PPP2R2B: variants seen among roughly 807,000 people sequenced by gnomAD.
PPP2R2B encodes serine/threonine-protein phosphatase 2A 55 kDa regulatory subunit B beta isoform.
Under a neutral mutation model 46.0 loss-of-function variants are expected in PPP2R2B, and 5 were observed. The ratio of observed to expected loss-of-function variants is 0.11; its 90% CI spans 0.06 to 0.23. PPP2R2B has a LOEUF of 0.23. Ranked by LOEUF, PPP2R2B falls within the 10% of genes least tolerant of loss-of-function variation. The pLI, the probability that PPP2R2B is intolerant of heterozygous loss-of-function variation, is 1.00. For synonymous variants in PPP2R2B, 215 were observed against 206.7 expected (o/e 1.04, Z -0.34); for missense variants, 367 against 575.0 (o/e 0.64, Z 3.70).
chr5:146,907,592 A>G (rs553106913), intron 1 of PPP2R2B, among the ~76,000 whole-genome samples: 2 of 152,380 alleles, frequency 1.3e-5, no homozygotes, highest in East Asian at 1.9e-4. Flanking sequence ...AGGCCAACCC[A>G]TCAGCTATAG....
At position 146,638,908 on chromosome 5, in the gene PPP2R2B, AAT is replaced by A. The variant is rs1775007602; in HGVS notation, c.626-495_626-494del. On this transcript the variant is annotated intron_variant, in intron 6 of 9. Transcript: ENST00000394411. ...ATGAAATCCCTAAGCCCTTCTTTAT[AAT>A]ATGTTGATGATAATAATAATAGCTG... 2.0e-5 allele frequency among the ~76,000 whole-genome samples: 3 copies of A among 152,214 alleles called. No individual in the cohort carries two copies. The South Asian group carries it at 6.2e-4, about 32-fold the overall frequency.
At chr5:146,845,181 A>G (rs903479299) in intron 2 of PPP2R2B, among the ~76,000 whole-genome samples, 4 of 151,770 alleles carry the variant, frequency 2.6e-5, no homozygotes, top group African/African-American at 7.3e-5. Flanking sequence ...GTCATTCTTT[A>G]TCTCCCAGCT....
chr5:146,788,157 T>C (rs1561907396), intron 2 of PPP2R2B, among the ~76,000 whole-genome samples: 1 of 152,118 alleles, frequency 6.6e-6, no homozygotes, highest in South Asian at 2.1e-4. Context: ...GTGGTTCGGA[T>C]ATATAGTGTC....
chr5:146,999,603 TC>T (rs1754073453), intron 1 of PPP2R2B, among the ~76,000 whole-genome samples: 1 of 152,202 alleles, frequency 6.6e-6, no homozygotes, highest in South Asian at 2.1e-4. Context: ...TTATGTGGCT[TC>T]TTCTCTATTT....
intron 1 of PPP2R2B, among the ~76,000 whole-genome samples, chr5:146,890,030 G>T (rs556033757): frequency 6.6e-6 from 1 of 152,292 alleles, no homozygotes; most frequent in South Asian, 2.1e-4. Context: ...GATCACATCC[G>T]CACACACACA....
rs74912536 is a variant in PPP2R2B at position 146,686,518 on chromosome 5, A to T, written c.447+4610T>A. 6.5e-3 allele frequency among the ~76,000 whole-genome samples: 996 copies of T among 152,298 alleles called. 24 individuals are homozygous for T. The highest frequency in any genetic ancestry group is 0.044 in the Admixed American group (668 of 15,286). ...GACTATGTGATATTAAGGATATAAA[A>T]TCTAGTACCTGGCACATAGTAAGCA... On this transcript the variant is annotated intron_variant, in intron 5 of 9. Coordinates refer to ENST00000394411, the MANE Select transcript of PPP2R2B (RefSeq NM_181675.4).
intron 1 of PPP2R2B, among the ~76,000 whole-genome samples, chr5:146,983,273 C>A (rs571207330): frequency 3.3e-4 from 49 of 150,710 alleles, no homozygotes; most frequent in Non-Finnish European, 6.5e-4. Context: ...CTCCACCTCC[C>A]GGGTTCACAC....
intron 2 of PPP2R2B, among the ~76,000 whole-genome samples, chr5:147,062,518 A>C (rs574169936): frequency 6.6e-6 from 1 of 152,272 alleles, no homozygotes; most frequent in African/African-American, 2.4e-5. Flanking sequence ...ATCTGTTTAT[A>C]GATGAGGAAG....
chr5:146,988,647 G>A, intron 1 of PPP2R2B, among the ~76,000 whole-genome samples: 1 of 151,790 alleles, frequency 6.6e-6, no homozygotes, highest in Middle Eastern at 3.2e-3. Context: ...TGTAATAAAT[G>A]CCTACATCAA....
chr5:146,805,580 A>G (rs1429375511), intron 2 of PPP2R2B, among the ~76,000 whole-genome samples: 2 of 152,192 alleles, frequency 1.3e-5, no homozygotes, highest in Non-Finnish European at 2.9e-5. Context: ...TCTTTATTCA[A>G]TGAGTCTGTG....
At chr5:146,944,217 CA>C (rs1415327704) in intron 1 of PPP2R2B, among the ~76,000 whole-genome samples, 1 of 152,130 alleles carries the variant, frequency 6.6e-6, no homozygotes, top group East Asian at 1.9e-4. Context: ...ATTGCCACTA[CA>C]TATATTCTTT....
intron 2 of PPP2R2B, among the ~76,000 whole-genome samples, chr5:146,727,511 G>A (rs561122679): frequency 1.3e-5 from 2 of 152,062 alleles, no homozygotes; most frequent in South Asian, 2.1e-4. Context: ...AAACATTGGA[G>A]ACTTCTAGAA....
At chr5:146,983,247 C>G (rs1753262620) in intron 1 of PPP2R2B, among the ~76,000 whole-genome samples, 1 of 128,380 alleles carries the variant, frequency 7.8e-6, no homozygotes, top group South Asian at 2.6e-4. Context: ...GTGGCACAAT[C>G]TCGGCTCACT....
chr5:146,767,933 G>C (rs976065276), intron 2 of PPP2R2B, among the ~76,000 whole-genome samples: 9 of 152,210 alleles, frequency 5.9e-5, no homozygotes, highest in African/African-American at 2.2e-4. Flanking sequence ...CTGATCTTTT[G>C]ACTGTCTCTA....
chr5:146,637,998 A>G (rs1299265475), intron 7 of PPP2R2B, among the ~76,000 whole-genome samples: 1 of 152,178 alleles, frequency 6.6e-6, no homozygotes, highest in Admixed American at 6.5e-5. Context: ...CATAATTTGG[A>G]TCACATCACA....
At chr5:147,056,405 G>A (rs1220919983), upstream of PPP2R2B, among the ~76,000 whole-genome samples, 5 of 152,102 alleles carry the variant, frequency 3.3e-5, no homozygotes, top group South Asian at 4.2e-4. Context: ...TTGAGTAGTC[G>A]GTGACAGAGG....
rs551547480 is a variant in PPP2R2B, at chr5:147,003,783, A to G, written c.79+51882T>C. Among the ~76,000 whole-genome samples the G allele has an allele frequency of 1.2e-4, 19 of 152,266 alleles. No individual in the cohort carries two copies. In the South Asian group the frequency reaches 1.9e-3, roughly 15 times the overall value. ...TAGGAAAAAGCCCATGAATTATTCA[A>G]TGATGTCCACCATAGCTCAGGGAAA... On this transcript the variant is annotated intron_variant, in intron 1 of 8. Coordinates refer to the PPP2R2B transcript ENST00000336640.
chr5:146,941,449 A>G (rs1003623492), intron 1 of PPP2R2B, among the ~76,000 whole-genome samples: 1 of 152,188 alleles, frequency 6.6e-6, no homozygotes, highest in African/African-American at 2.4e-5. Flanking sequence ...AATTCATAAT[A>G]CTTGTGATGG....
chr5:146,685,970 T>G (rs916126547), intron 5 of PPP2R2B, among the ~76,000 whole-genome samples: 2 of 152,030 alleles, frequency 1.3e-5, no homozygotes, highest in African/African-American at 4.8e-5. Flanking sequence ...AATAAAACAT[T>G]CCTGCCCCAT....
Sources: allele counts gnomAD v4.1 joint callset (sites outside exome capture counted in the v4.1 genomes callset), GRCh38; gene constraint gnomAD v4.1.1; transcripts MANE v1.5; gene names NCBI Gene and HGNC (gene_info 2026-07-23, HGNC 2026-07-21).